FBLN1: variants seen among roughly 807,000 people sequenced by gnomAD.
FBLN1 encodes fibulin-1.
FBLN1 carries 34 observed loss-of-function variants against 89.7 expected under a neutral mutation model. The observed-to-expected ratio is 0.38, with a 90% confidence interval of 0.29 to 0.50. The LOEUF (loss-of-function observed/expected upper bound fraction) is 0.50. Among genes scored for constraint, FBLN1 ranks in the 20% least tolerant of loss-of-function variants. The probability of loss-of-function intolerance (pLI) is 0.92; values close to 1 mark genes in which losing one functional copy is unlikely to be tolerated. For synonymous variants in FBLN1, 393 were observed against 391.3 expected (o/e 1.00, Z -0.05); for missense variants, 777 against 988.1 (o/e 0.79, Z 2.86).
Position 45,532,992 on chromosome 22 carries a change from C to A in FBLN1, c.545-71C>A. 6.9e-7 allele frequency: 1 copy of A among 1,442,942 alleles called. No homozygotes were observed. The allele number at this position is 1,442,942 out of a possible 1,614,324, so 89.4% of individuals were successfully genotyped here. A position where few individuals can be genotyped will look rare whatever the true frequency, so the allele number is the denominator to read the frequency against. ...CCAGAGGGCGTTTTCTATGACCCAGCCTGAACGGAGCTAGAAACCAGGCGG... is the reference window on the plus strand; with the variant it reads ...CCAGAGGGCGTTTTCTATGACCCAGACTGAACGGAGCTAGAAACCAGGCGG... On this transcript the variant is annotated intron_variant, in intron 5 of 16. Coordinates refer to ENST00000327858, the MANE Select transcript of FBLN1 (RefSeq NM_006486.3). This position sits in a 1 kb window ranked among gnomAD's most constrained non-coding sequence, Gnocchi z 4.2.
intron 16 of FBLN1, among the ~76,000 whole-genome samples, chr22:45,582,915 A>C (rs952034610): frequency 6.6e-6 from 1 of 152,206 alleles, no homozygotes; most frequent in Non-Finnish European, 1.5e-5. Flanking sequence ...TATCAAGACC[A>C]GACCTTGTGT....
rs1435008808 is a variant in FBLN1, at chr22:45,541,607, C to T, written c.1066+235C>T. On this transcript the variant is annotated intron_variant, in intron 9 of 16. Coordinates refer to ENST00000327858, the MANE Select transcript of FBLN1 (RefSeq NM_006486.3). ...TCCTGAGCCCAAAGCTCTCGCACCC[C>T]ACCCTGTTTACAGTTCCATCAGCTC... Among the ~76,000 whole-genome samples, 55 of 152,348 alleles carry T rather than the reference C, an allele frequency of 3.6e-4. 1 individual carries two copies.
intron 2 of FBLN1, among the ~76,000 whole-genome samples, chr22:45,521,600 T>G (rs921197629): frequency 1.3e-5 from 2 of 152,238 alleles, no homozygotes; most frequent in African/African-American, 4.8e-5. Flanking sequence ...CCACGCAGCC[T>G]GTGCCAATCA....
rs1448700707 is a variant in FBLN1, at chr22:45,580,642, T to G, written c.1972+3534T>G. Among the ~76,000 whole-genome samples, 2 of 152,214 alleles carry G rather than the reference T, an allele frequency of 1.3e-5. No individual in the cohort carries two copies. The highest frequency in any genetic ancestry group is 2.9e-5 in the Non-Finnish European group (2 of 68,032). ...GCCAGAGCGGGCCTGGAGCCCGGTC[T>G]TCCCCAGACACCACACCCGCCCAGA... is the stretch of plus-strand genomic sequence containing the variant. On this transcript the variant is annotated intron_variant, in intron 16 of 16. Coordinates refer to ENST00000327858, the MANE Select transcript of FBLN1 (RefSeq NM_006486.3). This position sits in a 1 kb window ranked among gnomAD's most constrained non-coding sequence, Gnocchi z 8.6.
rs113621399 is a variant in FBLN1, at chr22:45,554,390, A to G, written c.1697+3775A>G. 7.2e-5 allele frequency among the ~76,000 whole-genome samples: 11 copies of G among 152,030 alleles called. 2 individuals are homozygous for G. Among genetic ancestry groups the G allele is most frequent in the African/African-American group, 2.7e-4 (11 of 41,492 alleles). The stretch of plus-strand genomic sequence containing the variant: ...GACCTGGGCATCTCTGGGGCAGGCC[A>G]CCGCCAGCAGCACCCGTGCCCACCT... On this transcript the variant is annotated intron_variant, in intron 14 of 16. Coordinates refer to ENST00000327858, the MANE Select transcript of FBLN1 (RefSeq NM_006486.3).
chr22:45,574,776 T>TA lies in FBLN1; in HGVS notation c.1840+123_1840+124insA. On this transcript the variant is annotated intron_variant, in intron 15 of 16. Coordinates refer to ENST00000327858, the MANE Select transcript of FBLN1 (RefSeq NM_006486.3). This position sits in a 1 kb window ranked among gnomAD's most constrained non-coding sequence, Gnocchi z 4.1. Reference sequence around the variant, plus strand: ...GCCCAGGCTTTGAAATGCAGAACTTTCTTTTTTTTTTTTTTTTTTTTTTGA... The same window carrying TA: ...GCCCAGGCTTTGAAATGCAGAACTTTACTTTTTTTTTTTTTTTTTTTTTTGA... 2.7e-4 allele frequency: 190 copies of TA among 707,152 alleles called. No homozygotes were observed. Among genetic ancestry groups the TA allele is most frequent in the Non-Finnish European group, 3.9e-4 (172 of 444,638 alleles). The allele number at this position is 707,152 out of a possible 1,614,324, so 43.8% of individuals were successfully genotyped here.
chr22:45,598,489 G>A (rs1180027006), intron 16 of FBLN1, among the ~76,000 whole-genome samples: 1 of 152,252 alleles, frequency 6.6e-6, no homozygotes, highest in African/African-American at 2.4e-5. Context: ...TTTGGCCGCA[G>A]ACACTGGGGA....
intron 16 of FBLN1, among the ~76,000 whole-genome samples, chr22:45,593,036 T>C (rs1016687776): frequency 6.6e-6 from 1 of 152,128 alleles, no homozygotes; most frequent in Non-Finnish European, 1.5e-5. Flanking sequence ...GAAGGGAAGA[T>C]GACGTGCCCA....
In FBLN1 at chr22:45,531,482, T is replaced by C. The variant is rs2088407420; in HGVS notation, c.544+158T>C. On this transcript the variant is annotated intron_variant, in intron 5 of 16. Transcript: ENST00000327858. The surrounding 1 kb of genome is among the most constrained non-coding windows in gnomAD (Gnocchi z 4.9). ...CTGCAGTGAGCTATGACTGCACCTT[T>C]GCACTCTAGCCTGGGCAACAGAGCT... Among the ~76,000 whole-genome samples, 1 of 152,158 alleles carries C rather than the reference T, an allele frequency of 6.6e-6. No individual in the cohort carries two copies. Among genetic ancestry groups the C allele is most frequent in the African/African-American group, 2.4e-5 (1 of 41,428 alleles).
chr22:45,588,666 C>T lies in FBLN1; in HGVS notation c.1972+11558C>T, dbSNP rs950097317. Among the ~76,000 whole-genome samples, 6 of 151,258 alleles carry T rather than the reference C, an allele frequency of 4.0e-5. No homozygotes were observed. The highest frequency in any genetic ancestry group is 5.9e-5 in the Non-Finnish European group (4 of 67,718). On this transcript the variant is annotated intron_variant, in intron 16 of 16. Transcript: ENST00000327858. The surrounding 1 kb of genome is among the most constrained non-coding windows in gnomAD (Gnocchi z 5.1). ...CAGCCTCTTAGTCTCCAGAGCCTCC[C>T]GCAGGAATGATTTGTGACCCTCTTA... is the stretch of plus-strand genomic sequence containing the variant.
In FBLN1 at chr22:45,557,225, A is replaced by G. The variant is rs545429218; in HGVS notation, c.1697+6610A>G. On this transcript the variant is annotated intron_variant, in intron 14 of 16. Transcript: ENST00000327858. This position sits in a 1 kb window ranked among gnomAD's most constrained non-coding sequence, Gnocchi z 4.9. ...AGGCAATGCTGTGTGGAATACCATG[A>G]GGGTGGATAAGGCATTCTGTGAACC... Among the ~76,000 whole-genome samples the G allele has an allele frequency of 6.6e-6, 1 of 152,214 alleles. No homozygotes were observed. The highest frequency in any genetic ancestry group is 1.5e-5 in the Non-Finnish European group (1 of 68,046).
chr22:45,560,190 G>A (rs892710593), intron 14 of FBLN1, among the ~76,000 whole-genome samples: 1 of 152,212 alleles, frequency 6.6e-6, no homozygotes, highest in African/African-American at 2.4e-5. Context: ...TTTGATGGTT[G>A]AGTGCTGTCA....
intron 14 of FBLN1, among the ~76,000 whole-genome samples, chr22:45,560,794 T>C (rs1229697357): frequency 6.6e-6 from 1 of 152,150 alleles, no homozygotes; most frequent in East Asian, 1.9e-4. Context: ...CAACCTCATC[T>C]CTAGGGGCCC....
rs368905157 is a variant in FBLN1 at position 45,544,087 on chromosome 22, ACTT to A, written c.1321+565_1321+567del. Among the ~76,000 whole-genome samples the A allele has an allele frequency of 1.9e-3, 283 of 146,050 alleles. 2 individuals carry two copies. Among genetic ancestry groups the A allele is most frequent in the African/African-American group, 6.7e-3 (272 of 40,476 alleles). ...GTGGGTCACTGTGCACCTGCCTCTA[ACTT>A]CTTTTTTTTTTTTTGAGACGGAGTC... is the stretch of plus-strand genomic sequence containing the variant. On this transcript the variant is annotated intron_variant, in intron 11 of 16. Transcript: ENST00000327858.
Position 45,580,877 on chromosome 22 carries a change from C to T in FBLN1, c.1972+3769C>T, listed in dbSNP as rs185546962. On this transcript the variant is annotated intron_variant, in intron 16 of 16. Transcript: ENST00000327858. This position sits in a 1 kb window ranked among gnomAD's most constrained non-coding sequence, Gnocchi z 8.6. ...GTAGCCTTGAAAGACCCGTTCTTAG[C>T]GGGGATCGAGGAGCCCGCAGCAGGG... 5.1e-3 allele frequency among the ~76,000 whole-genome samples: 774 copies of T among 152,330 alleles called. 5 individuals carry two copies. The highest frequency in any genetic ancestry group is 0.018 in the African/African-American group (731 of 41,578).
rs116964462 is a variant in FBLN1 at position 45,571,604 on chromosome 22, G to C, written c.1698-2907G>C. Among the ~76,000 whole-genome samples, 35 of 152,342 alleles carry C rather than the reference G, an allele frequency of 2.3e-4. 3 individuals carry two copies. In the East Asian group the frequency reaches 6.4e-3, roughly 28 times the overall value. On this transcript the variant is annotated intron_variant, in intron 14 of 16. Transcript: ENST00000327858. ...TAATGTGGGATAATGATGGGATACT[G>C]CATGTCCTTGAGGACCAGGATTCTG...
rs1185168582 is a variant in FBLN1 at position 45,545,269 on chromosome 22, T to C, written c.1321+1743T>C. Among the ~76,000 whole-genome samples, 1 of 152,144 alleles carries C rather than the reference T, an allele frequency of 6.6e-6. No homozygotes were observed. Among genetic ancestry groups the C allele is most frequent in the African/African-American group, 2.4e-5 (1 of 41,438 alleles). On this transcript the variant is annotated intron_variant, in intron 11 of 16. Transcript: ENST00000327858. The surrounding 1 kb of genome is among the most constrained non-coding windows in gnomAD (Gnocchi z 5.9). ...TGCCATTTCCATGGCCTTGAAGAAG[T>C]AACTCAGTCTTTCCTGGGCCATGGT...
At chr22:45,585,272 A>C (rs1170306092) in intron 16 of FBLN1, among the ~76,000 whole-genome samples, 1 of 152,130 alleles carries the variant, frequency 6.6e-6, no homozygotes, top group African/African-American at 2.4e-5. Context: ...GTGAATGGAG[A>C]TATCTACCTA....
In FBLN1 at chr22:45,503,001, C is replaced by T. The variant is rs1323049453; in HGVS notation, c.16C>T (p.Pro6Ser). MERAA[P>S]SRRVPLPLLL... ...CCCGCCGCCCATGGAGCGCGCCGCGCCGTCGCGCCGGGTCCCGCTTCCGCT... is the reference window on the plus strand; with the variant it reads ...CCCGCCGCCCATGGAGCGCGCCGCGTCGTCGCGCCGGGTCCCGCTTCCGCT... The change falls in exon 1 of 17, where the codon CCG (proline) becomes TCG (serine). Residue 6 changes from proline (P) to serine (S), a missense_variant. Coordinates refer to ENST00000327858, the MANE Select transcript of FBLN1 (RefSeq NM_006486.3). The T allele has an allele frequency of 8.1e-7, 1 of 1,229,502 alleles. No homozygotes were observed. The highest frequency in any genetic ancestry group is 1.0e-6 in the Non-Finnish European group (1 of 986,278). 76.2% of individuals were successfully genotyped at this position (1,229,502 alleles called of 1,614,324 possible).
Sources: allele counts gnomAD v4.1 joint callset (sites outside exome capture counted in the v4.1 genomes callset), GRCh38; gene constraint gnomAD v4.1.1; non-coding constraint Gnocchi (gnomAD v3.1); transcripts MANE v1.5; gene names NCBI Gene and HGNC (gene_info 2026-07-23, HGNC 2026-07-21).